Variants in L1TD1 observed in about 807,000 individuals in gnomAD.
The protein encoded by L1TD1 is LINE1 type transposase domain containing 1.
Under a neutral mutation model 25.7 loss-of-function variants are expected in L1TD1, and 26 were observed. That is an observed-to-expected ratio of 1.01 (90% CI 0.74 to 1.40). L1TD1 has a LOEUF of 1.40. Among genes scored for constraint, L1TD1 ranks in the 40% most tolerant of loss-of-function variants. The probability of loss-of-function intolerance (pLI) is 0.00; values close to 1 mark genes in which losing one functional copy is unlikely to be tolerated. For synonymous variants in L1TD1, 421 were observed against 335.6 expected (o/e 1.25, Z -2.78); for missense variants, 1,130 against 975.0 (o/e 1.16, Z -2.12).
rs992061699 is a variant in L1TD1 at position 62,204,694 on chromosome 1, G to T, written c.-110-1825G>T. ...GCTAGGATTACAGGTGTGGCACCGT[G>T]CCCTGCTTGAAATTCTTGGTTGGGT... On this transcript the variant is annotated intron_variant, in intron 2 of 3. Coordinates refer to ENST00000498273, the MANE Select transcript of L1TD1 (RefSeq NM_019079.5). 2.1e-4 allele frequency among the ~76,000 whole-genome samples: 32 copies of T among 152,170 alleles called. 1 individual carries two copies. The highest frequency in any genetic ancestry group is 1.6e-3 in the Admixed American group (25 of 15,270).
chr1:62,211,406 T>C lies in L1TD1; in HGVS notation c.*34T>C, dbSNP rs1279988673. 1.3e-6 allele frequency: 2 copies of C among 1,528,136 alleles called. No homozygotes were observed. Among genetic ancestry groups the C allele is most frequent in the Non-Finnish European group, 8.8e-7 (1 of 1,142,436 alleles). The allele number at this position is 1,528,136 out of a possible 1,614,324, so 94.7% of individuals were successfully genotyped here. A position where few individuals can be genotyped will look rare whatever the true frequency, so the allele number is the denominator to read the frequency against. Reference sequence around the variant, plus strand: ...GGTGACTACAAACAATATGCTTTCCTCCCCCAGCATGCATCCAAAAATCAA... The same window carrying C: ...GGTGACTACAAACAATATGCTTTCCCCCCCCAGCATGCATCCAAAAATCAA... On this transcript the variant is annotated 3_prime_UTR_variant, in exon 4 of 4. Transcript: ENST00000498273.
At chr1:62,204,075 G>A (rs1670691089) in intron 2 of L1TD1, among the ~76,000 whole-genome samples, 2 of 152,116 alleles carry the variant, frequency 1.3e-5, no homozygotes, top group African/African-American at 2.4e-5. Flanking sequence ...GATAATAGTT[G>A]CTTCTAAATT....
rs868407564 is a variant in L1TD1 at position 62,210,278 on chromosome 1, G to A, written c.1504G>A (p.Ala502Thr). ...VKTTSLTEKK[A>T]SRRQKEIPFS... ...GACTACCTCCCTGACTGAGAAAAAA[G>A]CCTCACGTAGACAAAAAGAAATTCC... is the stretch of plus-strand genomic sequence containing the variant. Residue 502 changes from alanine to threonine, a missense_variant, in exon 4 of 4, where the codon GCC becomes ACC. Physicochemically the swap from Ala to Thr is moderately conservative, Grantham distance 58 (BLOSUM62 0). Transcript: ENST00000498273. The A allele has an allele frequency of 6.2e-7, 1 of 1,614,094 alleles. No individual in the cohort carries two copies. The highest frequency in any genetic ancestry group is 1.7e-5 in the Admixed American group (1 of 60,006).
intron 1 of L1TD1, 76 bp downstream of exon 1, chr1:62,194,997 G>C (rs2481707): frequency 0.73 from 110,360 of 150,814 alleles, 40,289 homozygotes; most frequent in Admixed American, 0.78. Flanking sequence ...TCCGGGGCGC[G>C]CCGGGTAAGG....
chr1:62,207,709 T>A, intron 3 of L1TD1, 73 bp downstream of exon 3: 1 of 1,424,516 alleles, frequency 7.0e-7, no homozygotes, highest in Non-Finnish European at 9.2e-7. Context: ...TTTTGAAGGA[T>A]AAATCAATTT....
At position 62,211,391 on chromosome 1, in the gene L1TD1, A is replaced by G. The variant is rs140148944; in HGVS notation, c.*19A>G. 1.1e-4 allele frequency: 164 copies of G among 1,547,192 alleles called. No individual in the cohort carries two copies. The highest frequency in any genetic ancestry group is 1.4e-4 in the Non-Finnish European group (161 of 1,150,834). On this transcript the variant is annotated 3_prime_UTR_variant, in exon 4 of 4. Coordinates refer to ENST00000498273, the MANE Select transcript of L1TD1 (RefSeq NM_019079.5). ...ACCTTAGCACGCCAGGGTGACTACA[A>G]ACAATATGCTTTCCTCCCCCAGCAT...
At chr1:62,198,454 A>G (rs1169340594) in intron 2 of L1TD1, among the ~76,000 whole-genome samples, 1 of 152,008 alleles carries the variant, frequency 6.6e-6, no homozygotes, top group Non-Finnish European at 1.5e-5. Flanking sequence ...TTTAAAAAAA[A>G]AAAAAAGAAG....
At chr1:62,199,611 CCAGCTA>C (rs1225899035) in intron 2 of L1TD1, among the ~76,000 whole-genome samples, 1 of 152,060 alleles carries the variant, frequency 6.6e-6, no homozygotes, top group Non-Finnish European at 1.5e-5. Flanking sequence ...GCTTGTATTC[CCAGCTA>C]CTCAGGAGGC....
chr1:62,206,002 A>G (rs1201802550), intron 2 of L1TD1, among the ~76,000 whole-genome samples: 7 of 152,170 alleles, frequency 4.6e-5, no homozygotes, highest in Non-Finnish European at 8.8e-5. Flanking sequence ...AAGTGCTGGG[A>G]TTGCAGGTGT....
Position 62,210,981 on chromosome 1 carries a change from C to G in L1TD1, c.2207C>G (p.Ser736Ter). ...AACTTTGCAGAACTAAAGAAAGGTT[C>G]AAGTCTTGAGATTGTCAGTGCTTGT... is the stretch of plus-strand genomic sequence containing the variant. Reference protein sequence around the residue: ...DENFAELKKGSSLEIVSACRV... With the variant: ...DENFAELKKG Residue 736 changes from serine (S) to a stop codon, truncating the protein, a stop_gained, in exon 4 of 4, where the codon TCA becomes TGA. Transcript: ENST00000498273. LOFTEE classifies it low-confidence loss of function (END_TRUNC). The G allele has an allele frequency of 6.5e-7, 1 of 1,546,552 alleles. No individual in the cohort carries two copies. The highest frequency in any genetic ancestry group is 8.7e-7 in the Non-Finnish European group (1 of 1,145,786).
rs544551156 is a variant in L1TD1, at chr1:62,207,782, G to T, written c.1008+146G>T. 61 of 1,017,946 alleles carry T rather than the reference G, an allele frequency of 6.0e-5. No homozygotes were observed. In the African/African-American group the frequency reaches 9.3e-4, roughly 16 times the overall value. The allele number at this position is 1,017,946 out of a possible 1,614,324, so 63.1% of individuals were successfully genotyped here. On this transcript the variant is annotated intron_variant, in intron 3 of 3. Coordinates refer to ENST00000498273, the MANE Select transcript of L1TD1 (RefSeq NM_019079.5). ...GGTGGGAGTGCAGTGGCACGATCTC[G>T]GCTCGCTACAACCTCTGCCTCCCAG...
Position 62,206,642 on chromosome 1 carries a change from C to T in L1TD1, c.14C>T (p.Ser5Phe). Residue 5 changes from serine (S) to phenylalanine (F), a missense_variant, in exon 3 of 4, where the codon TCT becomes TTT. By Grantham distance (155) the Ser-to-Phe change is radical (BLOSUM62 -2). Coordinates refer to ENST00000498273, the MANE Select transcript of L1TD1 (RefSeq NM_019079.5). ...AACATATCCACAATGTCTGATGTAT[C>T]TACTAGTGTACAATCAAAATTTGCT... MSDV[S>F]TSVQSKFARL... is the part of the protein sequence containing the mutation. The T allele has an allele frequency of 6.5e-7, 1 of 1,539,580 alleles. No homozygotes were observed. The highest frequency in any genetic ancestry group is 2.1e-5 in the Admixed American group (1 of 47,984).
chr1:62,206,509 TG>T lies in L1TD1; in HGVS notation c.-110-9del. On this transcript the variant is annotated splice_polypyrimidine_tract_variant and intron_variant, in intron 2 of 3. Transcript: ENST00000498273. ...TTTAGTAAGTAATTTTTCATTTTTT[TG>T]TATTTCAGATTGACGTATTTTAAGA... 1.3e-5 allele frequency: 13 copies of T among 1,030,328 alleles called. No individual in the cohort carries two copies. The South Asian group carries it at 4.1e-4, about 33-fold the overall frequency. 63.8% of individuals were successfully genotyped at this position (1,030,328 alleles called of 1,614,324 possible).
chr1:62,207,447 A>T lies in L1TD1; in HGVS notation c.819A>T (p.Glu273Asp), dbSNP rs1372839932. The T allele has an allele frequency of 1.3e-6, 2 of 1,551,014 alleles. No individual in the cohort carries two copies. Among genetic ancestry groups the T allele is most frequent in the Non-Finnish European group, 8.7e-7 (1 of 1,146,688 alleles). ...VFNILRENDF[E>D]PKFLCEVKLA... ...ACATTCTGAGAGAAAATGATTTTGAACCTAAATTTCTGTGTGAAGTTAAAT... is the reference window on the plus strand; with the variant it reads ...ACATTCTGAGAGAAAATGATTTTGATCCTAAATTTCTGTGTGAAGTTAAAT... Residue 273 changes from glutamate to aspartate, a missense_variant, in exon 3 of 4, where the codon GAA (glutamate) becomes GAT (aspartate). Glu to Asp is a conservative substitution (Grantham distance 45). Transcript: ENST00000498273.
At chr1:62,201,511 A>G (rs1478042496) in intron 2 of L1TD1, among the ~76,000 whole-genome samples, 1 of 148,578 alleles carries the variant, frequency 6.7e-6, no homozygotes, top group African/African-American at 2.5e-5. Flanking sequence ...AAAAAAAAAA[A>G]TTAGCATATT....
rs759858325 is a variant in L1TD1, at chr1:62,210,448, C to T, written c.1674C>T (p.Pro558=). 6.2e-7 allele frequency: 1 copy of T among 1,614,108 alleles called. No homozygotes were observed. Among genetic ancestry groups the T allele is most frequent in the Non-Finnish European group, 8.5e-7 (1 of 1,180,024 alleles). ...GTCTGACCTTATGTTTGGCCTCTCC[C>T]TCAAAGTCACTAGAGATGAGTCATG... is the stretch of plus-strand genomic sequence containing the variant. ...TPCLTLCLAS[P]SKSLEMSHDE... The change falls in exon 4 of 4, where the codon CCC becomes CCT. Residue 558 remains proline, a synonymous_variant. Coordinates refer to ENST00000498273, the MANE Select transcript of L1TD1 (RefSeq NM_019079.5).
chr1:62,208,901 T>C (rs536454216), intron 3 of L1TD1, among the ~76,000 whole-genome samples: 2 of 152,252 alleles, frequency 1.3e-5, no homozygotes, highest in African/African-American at 2.4e-5. Flanking sequence ...AAAGGTACAC[T>C]TGAATCAACA....
intron 2 of L1TD1, among the ~76,000 whole-genome samples, chr1:62,203,103 G>T (rs1319992703): frequency 6.6e-6 from 1 of 152,128 alleles, no homozygotes; most frequent in African/African-American, 2.4e-5. Context: ...TGGGATTACA[G>T]GTGTGAGCCA....
rs1488922061 is a variant in L1TD1 at position 62,212,113 on chromosome 1, T to C, written c.*741T>C. 5 of 152,064 alleles carry C rather than the reference T, an allele frequency of 3.3e-5. No homozygotes were observed. The highest frequency in any genetic ancestry group is 1.2e-4 in the African/African-American group (5 of 41,380). The allele number at this position is 152,064 out of a possible 1,614,324, so 9.4% of individuals were successfully genotyped here. On this transcript the variant is annotated 3_prime_UTR_variant, in exon 4 of 4. Transcript: ENST00000498273. ...CACGGGAAAAGATGGCAAGGTTAGT[T>C]AAAATAGAAAAGTGCTCAGTTCCTC...
Sources: gnomAD v4.1 joint callset for allele counts (sites outside exome capture counted in the v4.1 genomes callset) on GRCh38, gnomAD v4.1.1 for gene constraint, MANE v1.5 for transcripts, NCBI Gene and HGNC (gene_info 2026-07-23, HGNC 2026-07-21) for gene names.